NTRK3: variants seen among roughly 807,000 people sequenced by gnomAD.
The protein encoded by NTRK3 is NT-3 growth factor receptor.
In NTRK3, 24 loss-of-function variants were observed where a neutral mutation model predicts 91.7. The ratio of observed to expected loss-of-function variants is 0.26; its 90% CI spans 0.19 to 0.37. The LOEUF (loss-of-function observed/expected upper bound fraction) is 0.37, where lower values mean the gene tolerates loss of function less well. Among genes scored for constraint, NTRK3 ranks in the 10% least tolerant of loss-of-function variants. NTRK3 has a pLI of 1.00. For missense variants in NTRK3, 880 were observed against 1,068.9 expected (o/e 0.82, Z 2.46); for synonymous variants, 483 against 404.0 (o/e 1.20, Z -2.34).
intron 14 of NTRK3, among the ~76,000 whole-genome samples, chr15:87,948,632 G>A (rs770331412): frequency 2.6e-5 from 4 of 152,338 alleles, no homozygotes; most frequent in East Asian, 1.9e-4. Context: ...AGATTGTGGT[G>A]AGCTGATATT....
intron 13 of NTRK3, among the ~76,000 whole-genome samples, chr15:88,049,603 C>T (rs1400894570): frequency 6.6e-6 from 1 of 152,152 alleles, no homozygotes; most frequent in Non-Finnish European, 1.5e-5. Context: ...ATAATGTCAA[C>T]CCTGGCCAAG....
chr15:88,119,776 G>A (rs763706743), intron 13 of NTRK3, among the ~76,000 whole-genome samples: 1 of 152,288 alleles, frequency 6.6e-6, no homozygotes, highest in Non-Finnish European at 1.5e-5. Flanking sequence ...TTTCATTTCC[G>A]CCTTGCACTG....
intron 13 of NTRK3, among the ~76,000 whole-genome samples, chr15:88,041,825 A>T (rs1034123668): frequency 2.1e-4 from 3 of 14,246 alleles, no homozygotes; most frequent in Non-Finnish European, 3.2e-4. Flanking sequence ...AGTCCCTCAT[A>T]AAAAAAAAAA....
chr15:88,091,308 T>C (rs966553496), intron 13 of NTRK3, among the ~76,000 whole-genome samples: 6 of 152,232 alleles, frequency 3.9e-5, no homozygotes, highest in Admixed American at 6.5e-5. Flanking sequence ...GGCAAATGTA[T>C]GTCATGTCAA....
intron 14 of NTRK3, among the ~76,000 whole-genome samples, chr15:88,011,323 TAGAC>T (rs2076867047): frequency 6.6e-6 from 1 of 152,116 alleles, no homozygotes; most frequent in South Asian, 2.1e-4. Flanking sequence ...GAAATCAAAA[TAGAC>T]AGGATTTAAG....
At chr15:87,879,748 T>A (rs1434168799) in intron 18 of NTRK3, among the ~76,000 whole-genome samples, 1 of 152,160 alleles carries the variant, frequency 6.6e-6, no homozygotes, top group Non-Finnish European at 1.5e-5. Flanking sequence ...AACATACTAA[T>A]AAACATAGTA....
intron 14 of NTRK3, among the ~76,000 whole-genome samples, chr15:87,997,556 G>T (rs190144099): frequency 4.6e-5 from 7 of 152,084 alleles, no homozygotes; most frequent in Admixed American, 1.3e-4. Flanking sequence ...ATTTTGAGCA[G>T]TAAATATTTT....
At chr15:87,957,796 G>A (rs1239377056) in intron 14 of NTRK3, among the ~76,000 whole-genome samples, 1 of 152,180 alleles carries the variant, frequency 6.6e-6, no homozygotes, top group Non-Finnish European at 1.5e-5. Flanking sequence ...TTGTGCTGCT[G>A]GAAGTTACAC....
intron 14 of NTRK3, among the ~76,000 whole-genome samples, chr15:87,944,574 G>A (rs1331064307): frequency 3.3e-5 from 5 of 152,170 alleles, no homozygotes; most frequent in South Asian, 2.1e-4. Context: ...TCCGAAACCC[G>A]TGTTCTTTCC....
chr15:87,965,342 C>A (rs909535667), intron 14 of NTRK3, among the ~76,000 whole-genome samples: 2 of 152,340 alleles, frequency 1.3e-5, no homozygotes, highest in South Asian at 2.1e-4. Flanking sequence ...TCTCCAGGGT[C>A]TTTACCTTTC....
chr15:88,015,311 T>C (rs1023681726), intron 14 of NTRK3, among the ~76,000 whole-genome samples: 2 of 152,188 alleles, frequency 1.3e-5, no homozygotes, highest in African/African-American at 4.8e-5. Flanking sequence ...CAATAAGCTA[T>C]GCTATTTAAT....
chr15:88,027,661 C>T (rs1420013389), intron 14 of NTRK3, among the ~76,000 whole-genome samples: 1 of 152,218 alleles, frequency 6.6e-6, no homozygotes, highest in Admixed American at 6.5e-5. Flanking sequence ...GGATTACAGG[C>T]GTGAGCCACC....
chr15:88,074,997 G>A (rs988171953), intron 13 of NTRK3, among the ~76,000 whole-genome samples: 18 of 152,248 alleles, frequency 1.2e-4, no homozygotes, highest in African/African-American at 3.6e-4. Flanking sequence ...TCCACTCCAC[G>A]ATTCCTGTCT....
chr15:88,192,231 A>G (rs529015037), intron 3 of NTRK3, among the ~76,000 whole-genome samples: 28 of 152,320 alleles, frequency 1.8e-4, no homozygotes, highest in African/African-American at 6.5e-4. Context: ...TCAAGGGCAC[A>G]TCTTCACTGC....
intron 14 of NTRK3, chr15:87,977,469 T>C (rs1183470156): frequency 1.8e-5 from 4 of 219,624 alleles, no homozygotes; most frequent in East Asian, 1.3e-4. Context: ...GTGAGGAAAA[T>C]GGCAGAATAA....
chr15:88,232,111 T>C (rs567701098), intron 3 of NTRK3, among the ~76,000 whole-genome samples: 3 of 152,250 alleles, frequency 2.0e-5, no homozygotes, highest in Admixed American at 2.0e-4. Context: ...ATGGGGGATC[T>C]TGCACTTCAC....
chr15:88,011,729 T>C (rs1386527522), intron 14 of NTRK3, among the ~76,000 whole-genome samples: 1 of 152,164 alleles, frequency 6.6e-6, no homozygotes, highest in Non-Finnish European at 1.5e-5. Context: ...CACCGCACAT[T>C]ACTCTATGGG....
chr15:87,980,239 G>C (rs1204355650), intron 14 of NTRK3, among the ~76,000 whole-genome samples: 1 of 152,206 alleles, frequency 6.6e-6, no homozygotes, highest in Non-Finnish European at 1.5e-5. Context: ...AGGATATCCT[G>C]AAAAGTGGGA....
intron 17 of NTRK3, among the ~76,000 whole-genome samples, chr15:87,882,012 T>C (rs2065283570): frequency 1.3e-5 from 2 of 152,024 alleles, no homozygotes; most frequent in Non-Finnish European, 2.9e-5. Context: ...TCCCCTGCCT[T>C]AGCCTCCTGA....
Sources: allele counts gnomAD v4.1 joint callset (sites outside exome capture counted in the v4.1 genomes callset), GRCh38; gene constraint gnomAD v4.1.1; transcripts MANE v1.5; gene names NCBI Gene and HGNC (gene_info 2026-07-23, HGNC 2026-07-21).